The following CDYL variants were observed in gnomAD, a reference collection of about 807,000 sequenced individuals.
CDYL encodes the protein chromodomain Y-like protein.
Under a neutral mutation model 47.3 loss-of-function variants are expected in CDYL, and 8 were observed. That is an observed-to-expected ratio of 0.17 (90% CI 0.10 to 0.31). CDYL has a LOEUF of 0.31. Among genes scored for constraint, CDYL ranks in the 10% least tolerant of loss-of-function variants. The pLI is 1.00. For missense variants in CDYL, 471 were observed against 701.4 expected, an observed-to-expected ratio of 0.67 and a Z score of 3.71; for synonymous variants, 266 against 265.0, an observed-to-expected ratio of 1.00 and a Z score of -0.04.
At chr6:4,916,649 T>A (rs1757564728) in intron 2 of CDYL, among the ~76,000 whole-genome samples, 1 of 152,160 alleles carries the variant, frequency 6.6e-6, no homozygotes, top group Non-Finnish European at 1.5e-5. Context: ...TGCCTCCCCC[T>A]CTTTCAGTGA....
intron 1 of CDYL, among the ~76,000 whole-genome samples, chr6:4,828,633 G>T (rs867282441): frequency 6.6e-6 from 1 of 152,054 alleles, no homozygotes; most frequent in Non-Finnish European, 1.5e-5. Flanking sequence ...GAATTGATTG[G>T]CTTTGGATAA....
In CDYL at chr6:4,895,385, GTGCATATA is replaced by G. The variant is rs1415999956; in HGVS notation, c.691+3012_691+3019del. On this transcript the variant is annotated intron_variant, in intron 2 of 6. Coordinates refer to ENST00000397588, the MANE Select transcript of CDYL (RefSeq NM_004824.4). Reference sequence around the variant, plus strand: ...TGCATATATGCATGTATGTATATATGTGCATATATGCATGTATACATGTATACGTATAT... The same window carrying G: ...TGCATATATGCATGTATGTATATATGTGCATGTATACATGTATACGTATAT... Among the ~76,000 whole-genome samples, 11 of 6,696 alleles carry G rather than the reference GTGCATATA, an allele frequency of 1.6e-3. 3 individuals carry two copies. The highest frequency in any genetic ancestry group is 1.7e-3 in the African/African-American group (11 of 6,506). 4.4% of individuals were successfully genotyped at this position (6,696 alleles called of 152,430 possible). A position where few individuals can be genotyped will look rare whatever the true frequency, so the allele number is the denominator to read the frequency against.
At chr6:4,785,355 G>A (rs1298210215) in intron 1 of CDYL, among the ~76,000 whole-genome samples, 1 of 152,202 alleles carries the variant, frequency 6.6e-6, no homozygotes, top group Non-Finnish European at 1.5e-5. Flanking sequence ...TATATCTAGA[G>A]AATGTCTTTT....
chr6:4,782,630 A>G (rs1243419063), intron 1 of CDYL, among the ~76,000 whole-genome samples: 1 of 152,174 alleles, frequency 6.6e-6, no homozygotes, highest in Non-Finnish European at 1.5e-5. Flanking sequence ...TTTAAATCCA[A>G]TTATAACCTC....
chr6:4,787,481 A>C (rs1758785442), intron 1 of CDYL, among the ~76,000 whole-genome samples: 1 of 152,182 alleles, frequency 6.6e-6, no homozygotes, highest in South Asian at 2.1e-4. Flanking sequence ...GCTGCTTAAA[A>C]ATGAAGAGGC....
intron 2 of CDYL, among the ~76,000 whole-genome samples, chr6:4,922,356 G>C (rs1250838235): frequency 6.6e-6 from 1 of 152,228 alleles, no homozygotes; most frequent in Non-Finnish European, 1.5e-5. Flanking sequence ...ATAAAACAAA[G>C]TTGGAAAGAG....
At chr6:4,854,678 G>A (rs548221481) in intron 1 of CDYL, among the ~76,000 whole-genome samples, 1 of 152,330 alleles carries the variant, frequency 6.6e-6, no homozygotes, top group South Asian at 2.1e-4. Context: ...GTGCCGTTGA[G>A]GGCACACACA....
chr6:4,732,921 G>A (rs930591408), intron 2 of CDYL, among the ~76,000 whole-genome samples: 1 of 152,128 alleles, frequency 6.6e-6, no homozygotes, highest in African/African-American at 2.4e-5. Flanking sequence ...GCTGCAGAGT[G>A]GGAGAGAGCG....
At chr6:4,725,815 C>A (rs1473084658) in intron 2 of CDYL, among the ~76,000 whole-genome samples, 1 of 152,244 alleles carries the variant, frequency 6.6e-6, no homozygotes, top group Non-Finnish European at 1.5e-5. Flanking sequence ...GCCGAGGAGG[C>A]GCCGAGAGCG....
intron 1 of CDYL, among the ~76,000 whole-genome samples, chr6:4,851,418 A>C (rs573610664): frequency 2.6e-5 from 4 of 152,182 alleles, no homozygotes; most frequent in Non-Finnish European, 5.9e-5. Flanking sequence ...CTGGGCTGGC[A>C]AATGTTTAAC....
At chr6:4,936,027 GGCCTCTGT>G (rs1371298248) in intron 3 of CDYL, among the ~76,000 whole-genome samples, 1 of 152,216 alleles carries the variant, frequency 6.6e-6, no homozygotes, top group Non-Finnish European at 1.5e-5. Context: ...GGTCCACCCA[GGCCTCTGT>G]GCCTCTGTGG....
In CDYL at chr6:4,723,505, C is replaced by T. The variant is rs543085080; in HGVS notation, c.103+7624C>T. ...AGAAAACAATGAACAGAGAAGCATC[C>T]TGGGCTAGCAAGAGTGGGGGCTGCC... On this transcript the variant is annotated intron_variant, in intron 2 of 8. Coordinates refer to the CDYL transcript ENST00000328908. Among the ~76,000 whole-genome samples, 133 of 152,242 alleles carry T rather than the reference C, an allele frequency of 8.7e-4. 3 individuals are homozygous for T. The South Asian group carries it at 0.01, about 12-fold the overall frequency.
chr6:4,902,519 C>T (rs1757098334), intron 2 of CDYL, among the ~76,000 whole-genome samples: 1 of 152,168 alleles, frequency 6.6e-6, no homozygotes, highest in Non-Finnish European at 1.5e-5. Context: ...AGTCATCCTC[C>T]CAATGCAGCT....
At chr6:4,726,545 A>AAAAG (rs1186982874) in intron 2 of CDYL, among the ~76,000 whole-genome samples, 5 of 151,402 alleles carry the variant, frequency 3.3e-5, no homozygotes, top group African/African-American at 9.7e-5. Context: ...AAAAAAAAAA[A>AAAAG]AAAAAATTAG....
chr6:4,900,100 C>T (rs1445992170), intron 2 of CDYL, among the ~76,000 whole-genome samples: 1 of 152,146 alleles, frequency 6.6e-6, no homozygotes, highest in Non-Finnish European at 1.5e-5. Flanking sequence ...CTGTTACCTC[C>T]CCCTCTGAAT....
intron 1 of CDYL, among the ~76,000 whole-genome samples, chr6:4,840,454 T>C (rs1054904655): frequency 1.3e-5 from 2 of 152,172 alleles, no homozygotes; most frequent in Admixed American, 6.5e-5. Flanking sequence ...ATAGAAATGG[T>C]GAGAGTGGGC....
At chr6:4,855,697 T>G (rs554111001) in intron 1 of CDYL, among the ~76,000 whole-genome samples, 3 of 152,332 alleles carry the variant, frequency 2.0e-5, no homozygotes, top group Admixed American at 2.0e-4. Context: ...TACATCACAA[T>G]CTACACGTAA....
At chr6:4,725,094 C>G (rs1391726461) in intron 2 of CDYL, among the ~76,000 whole-genome samples, 2 of 152,132 alleles carry the variant, frequency 1.3e-5, no homozygotes, top group African/African-American at 4.8e-5. Flanking sequence ...CACAGAGTGT[C>G]GATTGCTGCA....
chr6:4,761,408 A>G (rs980649654), intron 3 of CDYL, among the ~76,000 whole-genome samples: 1 of 152,202 alleles, frequency 6.6e-6, no homozygotes, highest in Admixed American at 6.5e-5. Context: ...CAATGGCACA[A>G]TCTCGGCTCG....
Sources: allele counts gnomAD v4.1 joint callset (sites outside exome capture counted in the v4.1 genomes callset), GRCh38; gene constraint gnomAD v4.1.1; transcripts MANE v1.5; gene names NCBI Gene and HGNC (gene_info 2026-07-23, HGNC 2026-07-21).